Variants in PIAS1 observed in about 807,000 individuals in gnomAD.
The protein encoded by PIAS1 is protein inhibitor of activated STAT 1, also known as E3 SUMO-protein ligase PIAS1.
PIAS1 carries 6 observed loss-of-function variants against 71.3 expected under a neutral mutation model. The ratio of observed to expected loss-of-function variants is 0.08; its 90% CI spans 0.05 to 0.17. The LOEUF is 0.17. Ranked by LOEUF, PIAS1 falls within the 10% of genes least tolerant of loss-of-function variation. The pLI, the probability that PIAS1 is intolerant of heterozygous loss-of-function variation, is 1.00. For synonymous variants in PIAS1, 303 were observed against 292.9 expected (o/e 1.03, Z -0.35); for missense variants, 555 against 793.6 (o/e 0.70, Z 3.61).
intron 2 of PIAS1, among the ~76,000 whole-genome samples, chr15:68,107,943 T>G (rs1389465130): frequency 6.6e-6 from 1 of 152,194 alleles, no homozygotes; most frequent in African/African-American, 2.4e-5. Flanking sequence ...TAACTAATCT[T>G]GTACAAGAAA....
chr15:68,087,420 C>T (rs1311040813), intron 2 of PIAS1, among the ~76,000 whole-genome samples: 1 of 151,990 alleles, frequency 6.6e-6, no homozygotes, highest in Non-Finnish European at 1.5e-5. Context: ...ATTTATTTAA[C>T]GTAGAATAAA....
At chr15:68,085,853 T>C (rs2092276579) in intron 1 of PIAS1, among the ~76,000 whole-genome samples, 1 of 152,192 alleles carries the variant, frequency 6.6e-6, no homozygotes. Flanking sequence ...CCTGCCTACA[T>C]CTGGTGTTTG....
intron 9 of PIAS1, among the ~76,000 whole-genome samples, chr15:68,175,244 G>T (rs1389978238): frequency 6.6e-6 from 1 of 152,046 alleles, no homozygotes; most frequent in Non-Finnish European, 1.5e-5. Context: ...TTACATATTT[G>T]TATATGTTTT....
At chr15:68,183,014 T>C (rs2093065244) in intron 12 of PIAS1, among the ~76,000 whole-genome samples, 1 of 152,208 alleles carries the variant, frequency 6.6e-6, no homozygotes, top group Non-Finnish European at 1.5e-5. Flanking sequence ...TAGAAAAGAA[T>C]GTTAATTGGA....
intron 1 of PIAS1, among the ~76,000 whole-genome samples, chr15:68,071,908 A>G (rs2140966207): frequency 6.6e-6 from 1 of 152,044 alleles, no homozygotes; most frequent in African/African-American, 2.4e-5. Context: ...TGATCATGCT[A>G]CTGCATTCCA....
At chr15:68,094,428 G>C (rs910787413) in intron 2 of PIAS1, among the ~76,000 whole-genome samples, 1 of 151,962 alleles carries the variant, frequency 6.6e-6, no homozygotes, top group African/African-American at 2.4e-5. Flanking sequence ...AAAGGGAACA[G>C]ATGCTTTAAC....
rs746533933 is a variant in PIAS1 at position 68,054,381 on chromosome 15, T to A, written c.24+31T>A. 11 of 1,558,916 alleles carry A rather than the reference T, an allele frequency of 7.1e-6. No homozygotes were observed. In the East Asian group the frequency reaches 2.4e-4, roughly 34 times the overall value. On this transcript the variant is annotated intron_variant, in intron 1 of 13. Transcript: ENST00000249636. The surrounding 1 kb of genome is among the most constrained non-coding windows in gnomAD (Gnocchi z 4.6). ...GCGCAGCTCGAATTCACTTCTAATATTCGGCCGCGGAGACGGCGCCGCTGC... is the reference window on the plus strand; with the variant it reads ...GCGCAGCTCGAATTCACTTCTAATAATCGGCCGCGGAGACGGCGCCGCTGC...
chr15:68,083,899 G>A (rs1463582193), intron 1 of PIAS1, among the ~76,000 whole-genome samples: 1 of 152,042 alleles, frequency 6.6e-6, no homozygotes, highest in Non-Finnish European at 1.5e-5. Flanking sequence ...AGCTTGGCTT[G>A]CTGATAGCAG....
chr15:68,080,018 G>A lies in PIAS1; in HGVS notation c.25-6288G>A, dbSNP rs562114048. On this transcript the variant is annotated intron_variant, in intron 1 of 13. Transcript: ENST00000249636. ...CGGCTAATTTTGTATTTTTGGTAGA[G>A]ATGGGGTTTCACCATGTTGGTCAGG... Among the ~76,000 whole-genome samples the A allele has an allele frequency of 1.2e-4, 19 of 152,120 alleles. No individual in the cohort carries two copies. The East Asian group carries it at 3.5e-3, about 28-fold the overall frequency.
chr15:68,124,725 A>G (rs190318938), intron 2 of PIAS1, among the ~76,000 whole-genome samples: 185 of 152,198 alleles, frequency 1.2e-3, no homozygotes, highest in African/African-American at 4.4e-3. Flanking sequence ...GGCTCAAACA[A>G]ACAAACAAAC....
intron 1 of PIAS1, among the ~76,000 whole-genome samples, chr15:68,061,149 C>CT (rs2140953724): frequency 6.6e-6 from 1 of 152,338 alleles, no homozygotes; most frequent in Non-Finnish European, 1.5e-5. Flanking sequence ...TGATCGTACT[C>CT]TAAATTTGAT....
intron 1 of PIAS1, among the ~76,000 whole-genome samples, chr15:68,067,831 G>A (rs1373223487): frequency 6.6e-6 from 1 of 152,066 alleles, no homozygotes; most frequent in Non-Finnish European, 1.5e-5. Context: ...AAACCTTGAG[G>A]CCTTCCTTTG....
intron 4 of PIAS1, among the ~76,000 whole-genome samples, chr15:68,144,124 A>G (rs1230926832): frequency 6.6e-6 from 1 of 151,688 alleles, no homozygotes; most frequent in African/African-American, 2.4e-5. Flanking sequence ...ACTTGGAAAA[A>G]AAAAAAAAAA....
In PIAS1 at chr15:68,154,029, T is replaced by C. The variant is rs771344690; in HGVS notation, c.934+334T>C. Reference sequence around the variant, plus strand: ...AGATTGGTGGTTTATCCAGGAAAAATGTACAGAATTATATCATGGCCTCAC... The same window carrying C: ...AGATTGGTGGTTTATCCAGGAAAAACGTACAGAATTATATCATGGCCTCAC... On this transcript the variant is annotated intron_variant, in intron 7 of 13. Transcript: ENST00000249636. The C allele has an allele frequency of 3.0e-5, 6 of 202,762 alleles. No homozygotes were observed. In the South Asian group the frequency reaches 4.0e-4, roughly 13 times the overall value. 12.6% of individuals were successfully genotyped at this position (202,762 alleles called of 1,614,324 possible).
rs182474538 is a variant in PIAS1, at chr15:68,086,677, C to G, written c.396C>G (p.Val132=). Residue 132 remains valine, a synonymous_variant, in exon 2 of 14, where the codon GTC becomes GTG. Coordinates refer to ENST00000249636, the MANE Select transcript of PIAS1 (RefSeq NM_016166.3). This position sits in a 1 kb window ranked among gnomAD's most constrained non-coding sequence, Gnocchi z 7.2. Reference sequence around the variant, plus strand: ...ATCTTACATCAGCTCTTCACCCAGTCCATCCGGATATAAAACTTCAAAAAT... The same window carrying G: ...ATCTTACATCAGCTCTTCACCCAGTGCATCCGGATATAAAACTTCAAAAAT... ...LPHLTSALHP[V]HPDIKLQKLP... is the part of the protein sequence containing the mutation. 820 of 1,613,318 alleles carry G rather than the reference C, an allele frequency of 5.1e-4. 4 individuals are homozygous for G. The African/African-American group carries it at 9.6e-3, about 19-fold the overall frequency.
At chr15:68,112,322 T>A (rs1010043273) in intron 2 of PIAS1, among the ~76,000 whole-genome samples, 1 of 152,134 alleles carries the variant, frequency 6.6e-6, no homozygotes, top group Non-Finnish European at 1.5e-5. Context: ...AAACTACTTT[T>A]CTCCTAATTT....
intron 6 of PIAS1, among the ~76,000 whole-genome samples, chr15:68,148,074 A>C (rs1342877681): frequency 6.6e-6 from 1 of 152,224 alleles, no homozygotes; most frequent in Non-Finnish European, 1.5e-5. Flanking sequence ...TGGTGGACAC[A>C]TACAAAGAAT....
At chr15:68,148,715 T>C (rs934396907) in intron 6 of PIAS1, among the ~76,000 whole-genome samples, 9 of 152,348 alleles carry the variant, frequency 5.9e-5, no homozygotes, top group East Asian at 1.9e-4. Context: ...CATGAGCCAC[T>C]GTGCCTGGCC....
chr15:68,142,413 T>G (rs1215461007), intron 4 of PIAS1, 76 bp downstream of exon 4: 4 of 1,128,022 alleles, frequency 3.5e-6, no homozygotes, highest in Non-Finnish European at 5.4e-6. Context: ...CCAGTTAAGG[T>G]ACAGTGCTGA....
Sources: allele counts gnomAD v4.1 joint callset (sites outside exome capture counted in the v4.1 genomes callset), GRCh38; gene constraint gnomAD v4.1.1; non-coding constraint Gnocchi (gnomAD v3.1); transcripts MANE v1.5; gene names NCBI Gene and HGNC (gene_info 2026-07-23, HGNC 2026-07-21).